The following UBE2Z variants were observed in gnomAD, a reference collection of about 807,000 sequenced individuals.
UBE2Z encodes the protein ubiquitin-conjugating enzyme E2 Z.
UBE2Z carries 10 observed loss-of-function variants against 32.6 expected under a neutral mutation model. That is an observed-to-expected ratio of 0.31 (90% CI 0.19 to 0.52). The LOEUF is 0.52. Ranked by LOEUF, UBE2Z falls within the 20% of genes least tolerant of loss-of-function variation. The pLI is 0.97. For synonymous variants in UBE2Z, 183 were observed against 190.8 expected (o/e 0.96, Z 0.34); for missense variants, 343 against 480.9 (o/e 0.71, Z 2.68).
chr17:48,928,612 C>T lies in UBE2Z; in HGVS notation c.*1478C>T, dbSNP rs1375174007. 1 of 152,750 alleles carries T rather than the reference C, an allele frequency of 6.5e-6. No homozygotes were observed. The highest frequency in any genetic ancestry group is 1.5e-5 in the Non-Finnish European group (1 of 68,162). The allele number at this position is 152,750 out of a possible 1,614,324, so 9.5% of individuals were successfully genotyped here. A position where few individuals can be genotyped will look rare whatever the true frequency, so the allele number is the denominator to read the frequency against. ...GATCTGTGCAAAGGGGGGCTGGGCA[C>T]AAAGGAGAATGTCCTATTTGGGAGG... On this transcript the variant is annotated 3_prime_UTR_variant, in exon 7 of 7. Coordinates refer to ENST00000360943, the MANE Select transcript of UBE2Z (RefSeq NM_023079.5).
intron 2 of UBE2Z, 64 bp from the exon 3 acceptor site, chr17:48,912,770 G>A: frequency 1.3e-6 from 2 of 1,581,874 alleles, no homozygotes; most frequent in Non-Finnish European, 1.7e-6. Context: ...TAGGTGGAGG[G>A]TAGCCAGGAG....
At chr17:48,925,631 G>A (rs913412677) in intron 6 of UBE2Z, among the ~76,000 whole-genome samples, 4 of 152,192 alleles carry the variant, frequency 2.6e-5, no homozygotes, top group Non-Finnish European at 4.4e-5. Context: ...CAATATCAGT[G>A]TGTAAAGGAA....
chr17:48,924,341 A>G (rs1056949260), intron 6 of UBE2Z, among the ~76,000 whole-genome samples: 2 of 152,198 alleles, frequency 1.3e-5, no homozygotes, highest in African/African-American at 2.4e-5. Context: ...TGAATCCTCT[A>G]TTTAAATTCT....
intron 4 of UBE2Z, among the ~76,000 whole-genome samples, chr17:48,918,746 C>CTTTTTTTTTT (rs71144542): frequency 1.6e-5 from 2 of 127,480 alleles, no homozygotes; most frequent in Non-Finnish European, 1.6e-5. Flanking sequence ...TAGGTCTTGT[C>CTTTTTTTTTT]TTTTTTTTTT....
At position 48,926,574 on chromosome 17, in the gene UBE2Z, C is replaced by T. The variant is rs182328594; in HGVS notation, c.895-390C>T. ...TCAGCTGACTGCAACCTCCGCCTCCCGGGTTCAAGTGATTCTCCTGCCTCA... is the reference window on the plus strand; with the variant it reads ...TCAGCTGACTGCAACCTCCGCCTCCTGGGTTCAAGTGATTCTCCTGCCTCA... On this transcript the variant is annotated intron_variant, in intron 6 of 6. Transcript: ENST00000360943. 5.3e-5 allele frequency among the ~76,000 whole-genome samples: 8 copies of T among 151,796 alleles called. No individual in the cohort carries two copies. In the South Asian group the frequency reaches 6.2e-4, roughly 12 times the overall value.
intron 6 of UBE2Z, among the ~76,000 whole-genome samples, chr17:48,924,310 C>T (rs2040782450): frequency 6.6e-6 from 1 of 152,180 alleles, no homozygotes; most frequent in Non-Finnish European, 1.5e-5. Flanking sequence ...GTTCAGCCCT[C>T]CCAGAATCTT....
At chr17:48,918,129 G>T (rs1474234554) in intron 4 of UBE2Z, among the ~76,000 whole-genome samples, 1 of 151,300 alleles carries the variant, frequency 6.6e-6, no homozygotes, top group Non-Finnish European at 1.5e-5. Context: ...GTAGAGAAGG[G>T]GTTTCACCAT....
At position 48,914,634 on chromosome 17, in the gene UBE2Z, C is replaced by G. The variant is rs190231737; in HGVS notation, c.579-1442C>G. Among the ~76,000 whole-genome samples, 4 of 152,246 alleles carry G rather than the reference C, an allele frequency of 2.6e-5. No individual in the cohort carries two copies. In the East Asian group the frequency reaches 5.8e-4, roughly 22 times the overall value. ...GTCAATATAAAACTCTTTTGAGATA[C>G]CAGCCACAGGACAGTGGGGTAAAAG... On this transcript the variant is annotated intron_variant, in intron 3 of 6. Coordinates refer to ENST00000360943, the MANE Select transcript of UBE2Z (RefSeq NM_023079.5).
intron 2 of UBE2Z, 179 bp downstream of exon 2, chr17:48,911,059 G>A: frequency 1.6e-6 from 1 of 613,478 alleles, no homozygotes; most frequent in Non-Finnish European, 2.9e-6. Context: ...ACTTTGAAGA[G>A]GTGTCTGTTA....
chr17:48,918,102 A>C (rs542090382), intron 4 of UBE2Z, among the ~76,000 whole-genome samples: 1 of 151,822 alleles, frequency 6.6e-6, no homozygotes, highest in East Asian at 1.9e-4. Context: ...ACACCTGGCT[A>C]ATTTTTTGTA....
intron 4 of UBE2Z, among the ~76,000 whole-genome samples, chr17:48,917,915 T>A (rs919460835): frequency 6.6e-6 from 1 of 152,102 alleles, no homozygotes; most frequent in Non-Finnish European, 1.5e-5. Flanking sequence ...TGATTCCGGA[T>A]AGGTGATTAG....
chr17:48,916,250 GTTTT>G, intron 4 of UBE2Z, 63 bp downstream of exon 4: 1 of 517,696 alleles, frequency 1.9e-6, no homozygotes, highest in African/African-American at 2.0e-5. Context: ...TGGTTGGTTG[GTTTT>G]TTTGTTTTTT....
chr17:48,912,650 A>G, intron 2 of UBE2Z, 184 bp from the exon 3 acceptor site: 1 of 610,850 alleles, frequency 1.6e-6, no homozygotes, highest in South Asian at 2.4e-5. Context: ...GAGATTTCTT[A>G]AAATTCCAAA....
At chr17:48,926,858 A>C in intron 6 of UBE2Z, 106 bp from the exon 7 acceptor site, 4 of 1,294,696 alleles carry the variant, frequency 3.1e-6, no homozygotes, top group Non-Finnish European at 4.2e-6. Context: ...TCCTGCTCCC[A>C]TGGCTCAGAA....
At chr17:48,923,672 G>A (rs2040778992) in intron 6 of UBE2Z, among the ~76,000 whole-genome samples, 1 of 150,982 alleles carries the variant, frequency 6.6e-6, no homozygotes, top group Non-Finnish European at 1.5e-5. Context: ...CTGAGAGCCA[G>A]AGAGGAGACT....
chr17:48,921,204 G>T lies in UBE2Z; in HGVS notation c.735G>T (p.Arg245=), dbSNP rs1486969481. 1 of 1,612,686 alleles carries T rather than the reference G, an allele frequency of 6.2e-7. No homozygotes were observed. The highest frequency in any genetic ancestry group is 8.5e-7 in the Non-Finnish European group (1 of 1,179,396). ...GDSKNYNECI[R]HETIRVAVCD... Reference sequence around the variant, plus strand: ...GCAAAAACTATAATGAATGTATCCGGCACGAGACCATCAGAGTTGCAGTCT... The same window carrying T: ...GCAAAAACTATAATGAATGTATCCGTCACGAGACCATCAGAGTTGCAGTCT... Residue 245 remains arginine, a synonymous_variant, in exon 5 of 7, where the codon CGG becomes CGT. Transcript: ENST00000360943.
At chr17:48,915,823 A>T in intron 3 of UBE2Z, 1 of 408,084 alleles carries the variant, frequency 2.5e-6, no homozygotes, top group South Asian at 4.0e-5. Context: ...GTACAAAGAA[A>T]ATCCCTTCAA....
chr17:48,911,023 A>G, intron 2 of UBE2Z, 143 bp downstream of exon 2: 1 of 715,298 alleles, frequency 1.4e-6, no homozygotes, highest in Admixed American at 2.1e-5. Context: ...TGGCTTGTCC[A>G]AGGTCACATA....
rs1047557344 is a variant in UBE2Z at position 48,913,354 on chromosome 17, T to G, written c.578+333T>G. ...GGGCCAAAAATCTGGTTTTTTTGGT[T>G]GTTGTTTTTTGTTTGTTTTGAGACG... is the stretch of plus-strand genomic sequence containing the variant. On this transcript the variant is annotated intron_variant, in intron 3 of 6. Coordinates refer to ENST00000360943, the MANE Select transcript of UBE2Z (RefSeq NM_023079.5). Among the ~76,000 whole-genome samples, 25 of 152,162 alleles carry G rather than the reference T, an allele frequency of 1.6e-4. No individual in the cohort carries two copies. In the East Asian group the frequency reaches 3.1e-3, roughly 19 times the overall value.
Sources: gnomAD v4.1 joint callset for allele counts (sites outside exome capture counted in the v4.1 genomes callset) on GRCh38, gnomAD v4.1.1 for gene constraint, MANE v1.5 for transcripts, NCBI Gene and HGNC (gene_info 2026-07-23, HGNC 2026-07-21) for gene names.